BABAM2: variants seen among roughly 807,000 people sequenced by gnomAD.
BABAM2 encodes BRISC and BRCA1 A complex member 2, also known as BRISC and BRCA1-A complex member 2.
In BABAM2, 31 loss-of-function variants were observed where a neutral mutation model predicts 54.7. The ratio of observed to expected loss-of-function variants is 0.57; its 90% CI spans 0.43 to 0.77. The LOEUF is 0.77. Ranked by LOEUF, BABAM2 falls within the 30% of genes least tolerant of loss-of-function variation. BABAM2 has a pLI of 0.00. For missense variants in BABAM2, 364 were observed against 455.8 expected, an observed-to-expected ratio of 0.80 and a Z score of 1.83; for synonymous variants, 167 against 162.9, an observed-to-expected ratio of 1.03 and a Z score of -0.19.
chr2:27,928,926 A>C (rs953672873), intron 2 of BABAM2, among the ~76,000 whole-genome samples: 1 of 151,778 alleles, frequency 6.6e-6, no homozygotes, highest in East Asian at 1.9e-4. Flanking sequence ...AAAAAAAAAA[A>C]AACCAGGCCA....
Position 28,299,927 on chromosome 2 carries a change from TTTTTA to T in BABAM2, c.1088+1461_1088+1465del, listed in dbSNP as rs573164670. ...TTTCACTTATAGCAGGCTTGATAAC[TTTTTA>T]TTTTATTTTATTTTATTTTATTTTG... On this transcript the variant is annotated intron_variant, in intron 11 of 11. Transcript: ENST00000379624. Among the ~76,000 whole-genome samples, 1,074 of 152,062 alleles carry T rather than the reference TTTTTA, an allele frequency of 7.1e-3. 9 individuals are homozygous for T. Among genetic ancestry groups the T allele is most frequent in the African/African-American group, 0.024 (1,014 of 41,436 alleles).
chr2:28,325,876 A>G lies in BABAM2; in HGVS notation c.1089-12574A>G, dbSNP rs545423550. 1.3e-5 allele frequency among the ~76,000 whole-genome samples: 2 copies of G among 152,230 alleles called. No homozygotes were observed. Among genetic ancestry groups the G allele is most frequent in the Non-Finnish European group, 2.9e-5 (2 of 68,046 alleles). On this transcript the variant is annotated intron_variant, in intron 11 of 11. Coordinates refer to ENST00000379624, the MANE Select transcript of BABAM2 (RefSeq NM_199191.3). This position sits in a 1 kb window ranked among gnomAD's most constrained non-coding sequence, Gnocchi z 4.3. ...GGTGGAAGAAAGTGAACTTACAACC[A>G]GGCAAATAACACTTCAAAGCCCTAG...
At chr2:27,901,828 C>T (rs867680126) in intron 2 of BABAM2, among the ~76,000 whole-genome samples, 3 of 152,094 alleles carry the variant, frequency 2.0e-5, no homozygotes, top group African/African-American at 7.2e-5. Flanking sequence ...CCCTTTTTCC[C>T]CACGCCTGTC....
intron 11 of BABAM2, among the ~76,000 whole-genome samples, chr2:28,305,759 T>C (rs1688464173): frequency 6.6e-6 from 1 of 152,190 alleles, no homozygotes; most frequent in Non-Finnish European, 1.5e-5. Flanking sequence ...TGATCCATCA[T>C]GTCTAAGTTG....
At chr2:28,108,498 T>G (rs143225729) in intron 6 of BABAM2, among the ~76,000 whole-genome samples, 7 of 152,230 alleles carry the variant, frequency 4.6e-5, no homozygotes, top group Non-Finnish European at 7.3e-5. Context: ...ATTAAAGAAA[T>G]ATTCTTACTA....
intron 7 of BABAM2, among the ~76,000 whole-genome samples, chr2:28,228,747 C>G (rs953537346): frequency 4.6e-5 from 7 of 152,108 alleles, no homozygotes; most frequent in Admixed American, 2.0e-4. Flanking sequence ...CTTAGTAGAA[C>G]AACATCTGCT....
At chr2:27,941,785 A>G (rs1229357374) in intron 3 of BABAM2, among the ~76,000 whole-genome samples, 1 of 152,184 alleles carries the variant, frequency 6.6e-6, no homozygotes, top group East Asian at 1.9e-4. Context: ...GTTCATTTTT[A>G]AGGATTCCAT....
chr2:28,081,143 G>T (rs934843894), intron 6 of BABAM2, among the ~76,000 whole-genome samples: 2 of 152,156 alleles, frequency 1.3e-5, no homozygotes, highest in African/African-American at 2.4e-5. Flanking sequence ...GCAGGAAAAC[G>T]TAGTGCAGCC....
chr2:28,317,371 A>G (rs556161425), intron 11 of BABAM2, among the ~76,000 whole-genome samples: 1 of 152,346 alleles, frequency 6.6e-6, no homozygotes, highest in East Asian at 1.9e-4. Context: ...CCTTGGGCTT[A>G]AGAGTGACTT....
intron 6 of BABAM2, among the ~76,000 whole-genome samples, chr2:28,095,310 A>G (rs903629911): frequency 6.6e-6 from 1 of 152,036 alleles, no homozygotes; most frequent in African/African-American, 2.4e-5. Context: ...ACTAGCCTAT[A>G]CCTTCCCTGG....
At chr2:28,201,148 T>G (rs886395500) in intron 7 of BABAM2, among the ~76,000 whole-genome samples, 16 of 152,034 alleles carry the variant, frequency 1.1e-4, no homozygotes, top group African/African-American at 3.9e-4. Context: ...GTGTTCCATT[T>G]TTTAAAAAGT....
chr2:28,330,060 A>C (rs1487690156), intron 11 of BABAM2, among the ~76,000 whole-genome samples: 2 of 152,252 alleles, frequency 1.3e-5, no homozygotes, highest in African/African-American at 4.8e-5. Flanking sequence ...TTCATCACAT[A>C]AACAGAAGTA....
chr2:28,338,291 T>C (rs1296269567), intron 11 of BABAM2, among the ~76,000 whole-genome samples, 159 bp from the exon 12 acceptor site: 1 of 152,150 alleles, frequency 6.6e-6, no homozygotes, highest in African/African-American at 2.4e-5. Context: ...CTCGGAAAAA[T>C]CCGGAGGGCT....
At position 28,322,259 on chromosome 2, in the gene BABAM2, C is replaced by G. The variant is rs1373927895; in HGVS notation, c.1089-16191C>G. 6.6e-6 allele frequency among the ~76,000 whole-genome samples: 1 copy of G among 152,178 alleles called. No homozygotes were observed. The highest frequency in any genetic ancestry group is 2.4e-5 in the African/African-American group (1 of 41,430). Reference sequence around the variant, plus strand: ...CATTCGGTGCACAAGTGTCCCTGAACTTCGGTGAAGTATGAGCCACCAAGC... The same window carrying G: ...CATTCGGTGCACAAGTGTCCCTGAAGTTCGGTGAAGTATGAGCCACCAAGC... On this transcript the variant is annotated intron_variant, in intron 11 of 11. Coordinates refer to ENST00000379624, the MANE Select transcript of BABAM2 (RefSeq NM_199191.3). The surrounding 1 kb of genome is among the most constrained non-coding windows in gnomAD (Gnocchi z 4.1).
intron 7 of BABAM2, among the ~76,000 whole-genome samples, chr2:28,153,264 A>G (rs1672229026): frequency 6.6e-6 from 1 of 152,200 alleles, no homozygotes; most frequent in Non-Finnish European, 1.5e-5. Flanking sequence ...TAGGCCTTAA[A>G]TTGGTCCACT....
chr2:28,330,971 C>G (rs1690905036), intron 11 of BABAM2, among the ~76,000 whole-genome samples: 2 of 152,260 alleles, frequency 1.3e-5, no homozygotes, highest in African/African-American at 2.4e-5. Context: ...GGTACAAAAA[C>G]AGACACAAAC....
At chr2:28,307,562 G>A (rs1273898547) in intron 11 of BABAM2, 1 of 151,836 alleles carries the variant, frequency 6.6e-6, no homozygotes, top group African/African-American at 2.4e-5. Context: ...ACTTATCACA[G>A]CCTACCGTGA....
At chr2:28,127,335 A>T (rs1205590831) in intron 6 of BABAM2, among the ~76,000 whole-genome samples, 2 of 152,316 alleles carry the variant, frequency 1.3e-5, no homozygotes, top group South Asian at 4.1e-4. Context: ...GACATCAAGT[A>T]AGAAAAGGGC....
At chr2:28,211,087 T>A (rs923480443) in intron 7 of BABAM2, among the ~76,000 whole-genome samples, 12 of 152,168 alleles carry the variant, frequency 7.9e-5, no homozygotes, top group African/African-American at 2.7e-4. Flanking sequence ...AATGAGTTTG[T>A]ATTCCCTGAG....
Sources: gnomAD v4.1 joint callset for allele counts (sites outside exome capture counted in the v4.1 genomes callset) on GRCh38, gnomAD v4.1.1 for gene constraint, Gnocchi (gnomAD v3.1) non-coding constraint, MANE v1.5 for transcripts, NCBI Gene and HGNC (gene_info 2026-07-23, HGNC 2026-07-21) for gene names.